SCARA5: variants seen among roughly 807,000 people sequenced by gnomAD.
SCARA5 encodes scavenger receptor class A, member 5 (putative).
In SCARA5, 45 loss-of-function variants were observed where a neutral mutation model predicts 46.3. The observed-to-expected ratio is 0.97, with a 90% confidence interval of 0.76 to 1.24. SCARA5 has a LOEUF of 1.24. Ranked by LOEUF, SCARA5 falls within the 50% of genes most tolerant of loss-of-function variation. The pLI is 0.00. For synonymous variants in SCARA5, 333 were observed against 306.5 expected, an observed-to-expected ratio of 1.09 and a Z score of -0.90; for missense variants, 680 against 689.0, an observed-to-expected ratio of 0.99 and a Z score of 0.15.
At chr8:27,945,139 C>T (rs1808014116) in intron 3 of SCARA5, among the ~76,000 whole-genome samples, 1 of 151,388 alleles carries the variant, frequency 6.6e-6, no homozygotes, top group African/African-American at 2.4e-5. Flanking sequence ...GCACTCCAGC[C>T]TGGGTGATGG....
At chr8:27,879,526 T>G (rs746663482) in intron 8 of SCARA5, 43 bp downstream of exon 8, 1 of 1,577,844 alleles carries the variant, frequency 6.3e-7, no homozygotes, top group Non-Finnish European at 8.6e-7. Context: ...TCCTAGGATG[T>G]GCAGGCCCTC....
At chr8:27,952,670 T>G (rs1388433440) in intron 3 of SCARA5, among the ~76,000 whole-genome samples, 1 of 152,202 alleles carries the variant, frequency 6.6e-6, no homozygotes, top group Non-Finnish European at 1.5e-5. Context: ...TATTAAGCCT[T>G]AAACATATAC....
At position 27,922,139 on chromosome 8, in the gene SCARA5, C is replaced by A; in HGVS notation, c.348G>T (p.Pro116=). 6.2e-7 allele frequency: 1 copy of A among 1,607,038 alleles called. No individual in the cohort carries two copies. The highest frequency in any genetic ancestry group is 8.5e-7 in the Non-Finnish European group (1 of 1,177,638). Residue 116 remains proline (P), a synonymous_variant, in exon 4 of 9, where the codon CCG becomes CCT. Transcript: ENST00000354914. ...CCTGCTCCGTCAGGTCCGCTTGCAG[C>A]GGAGCCTGCAGCAGCCGCAGCTGCA... The part of the protein sequence containing the change: ...RDLQLRLLQA[P]LQADLTEQVW...
intron 3 of SCARA5, among the ~76,000 whole-genome samples, chr8:27,925,289 G>A: frequency 6.6e-6 from 1 of 152,296 alleles, no homozygotes; most frequent in East Asian, 1.9e-4. Flanking sequence ...CCAAAACAGA[G>A]ATATAGACCA....
At chr8:27,938,987 C>A (rs1317886422) in intron 3 of SCARA5, among the ~76,000 whole-genome samples, 1 of 152,134 alleles carries the variant, frequency 6.6e-6, no homozygotes, top group Non-Finnish European at 1.5e-5. Flanking sequence ...ATAAGTGGGT[C>A]CTGCCTGATT....
intron 3 of SCARA5, among the ~76,000 whole-genome samples, chr8:27,935,510 C>A (rs1358993782): frequency 6.6e-6 from 1 of 152,196 alleles, no homozygotes; most frequent in Non-Finnish European, 1.5e-5. Flanking sequence ...GGGAGCAGGT[C>A]TCTAGGGTCT....
chr8:27,966,427 G>T lies in SCARA5; in HGVS notation c.228C>A (p.Ile76=), dbSNP rs1287220773. Residue 76 remains isoleucine (I), a synonymous_variant, in exon 3 of 9, where the codon ATC becomes ATA. Transcript: ENST00000354914. ...YLLVFLILVG[I]FILAVSRPRS... Reference sequence around the variant, plus strand: ...GCCTGCTCTTACCTGCTAAGATGAAGATGCCCACAAGAATCAGGAAGACCA... The same window carrying T: ...GCCTGCTCTTACCTGCTAAGATGAATATGCCCACAAGAATCAGGAAGACCA... 3.1e-6 allele frequency: 5 copies of T among 1,609,982 alleles called. No individual in the cohort carries two copies. The highest frequency in any genetic ancestry group is 4.2e-6 in the Non-Finnish European group (5 of 1,178,960).
intron 4 of SCARA5, among the ~76,000 whole-genome samples, chr8:27,921,180 T>A (rs899093797): frequency 2.0e-5 from 3 of 152,190 alleles, no homozygotes; most frequent in Admixed American, 6.5e-5. Flanking sequence ...GGAGCCCCTC[T>A]CTACTCCCGG....
chr8:27,975,823 T>C (rs1391206307), intron 2 of SCARA5, among the ~76,000 whole-genome samples: 4 of 152,086 alleles, frequency 2.6e-5, no homozygotes, highest in Non-Finnish European at 5.9e-5. Context: ...AGGAGCCTGG[T>C]CTTCCACAGG....
intron 2 of SCARA5, among the ~76,000 whole-genome samples, chr8:27,978,553 CCAGG>C (rs1489785904): frequency 5.9e-5 from 9 of 151,988 alleles, no homozygotes; most frequent in Non-Finnish European, 1.0e-4. Flanking sequence ...ACTCTGTCGC[CCAGG>C]CTGAAGTGCA....
chr8:27,941,797 C>CATT (rs1303612241), intron 3 of SCARA5, among the ~76,000 whole-genome samples: 321 of 109,960 alleles, frequency 2.9e-3, no homozygotes, highest in African/African-American at 7.9e-3. Context: ...CCATTTACAT[C>CATT]ATCATTATTA....
intron 8 of SCARA5, among the ~76,000 whole-genome samples, chr8:27,876,641 G>A (rs1806729009): frequency 6.6e-6 from 1 of 152,192 alleles, no homozygotes; most frequent in South Asian, 2.1e-4. Context: ...GCACCTGTCA[G>A]GAAGGTCACC....
intron 8 of SCARA5, among the ~76,000 whole-genome samples, chr8:27,874,856 C>T (rs541122350): frequency 2.6e-5 from 4 of 152,318 alleles, no homozygotes; most frequent in Admixed American, 1.3e-4. Flanking sequence ...CACTCCCTTC[C>T]GTGGCCTACC....
At chr8:27,873,981 C>T (rs552291294) in intron 8 of SCARA5, among the ~76,000 whole-genome samples, 2 of 152,096 alleles carry the variant, frequency 1.3e-5, no homozygotes, top group Non-Finnish European at 2.9e-5. Flanking sequence ...ACCCGTGAGG[C>T]GGAGGTTACA....
intron 7 of SCARA5, among the ~76,000 whole-genome samples, chr8:27,902,637 C>T (rs894242297): frequency 6.6e-6 from 1 of 152,190 alleles, no homozygotes; most frequent in Non-Finnish European, 1.5e-5. Context: ...CCTGCCCACC[C>T]CCATCAGGAG....
At chr8:27,918,310 C>G (rs1807499957) in intron 4 of SCARA5, among the ~76,000 whole-genome samples, 1 of 152,118 alleles carries the variant, frequency 6.6e-6, no homozygotes, top group African/African-American at 2.4e-5. Context: ...TAAACCACCT[C>G]ATAGATTCTC....
chr8:27,900,715 A>G (rs111611714), intron 7 of SCARA5, among the ~76,000 whole-genome samples: 2 of 147,696 alleles, frequency 1.4e-5, no homozygotes, highest in African/African-American at 2.5e-5. Context: ...AACACTATTT[A>G]TTTTTCCTGC....
At chr8:27,882,410 A>T (rs1047741083) in intron 7 of SCARA5, among the ~76,000 whole-genome samples, 1 of 152,206 alleles carries the variant, frequency 6.6e-6, no homozygotes. Flanking sequence ...GTAAATATCA[A>T]GGAGTGTGAT....
intron 3 of SCARA5, among the ~76,000 whole-genome samples, chr8:27,965,256 A>G (rs1277833532): frequency 6.6e-6 from 1 of 152,184 alleles, no homozygotes; most frequent in Non-Finnish European, 1.5e-5. Context: ...AAGACCGGGG[A>G]GGTCCTGGCC....
Sources: allele counts gnomAD v4.1 joint callset (sites outside exome capture counted in the v4.1 genomes callset), GRCh38; gene constraint gnomAD v4.1.1; transcripts MANE v1.5; gene names NCBI Gene and HGNC (gene_info 2026-07-23, HGNC 2026-07-21).